The following NRXN3 variants were observed in gnomAD, a reference collection of about 807,000 sequenced individuals.
The protein encoded by NRXN3 is neurexin 3.
Under a neutral mutation model 137.6 loss-of-function variants are expected in NRXN3, and 32 were observed. The ratio of observed to expected loss-of-function variants is 0.23; its 90% CI spans 0.18 to 0.31. The LOEUF is 0.31. NRXN3 is among the 10% of genes least tolerant of loss of function. The pLI is 1.00. For synonymous variants in NRXN3, 798 were observed against 784.5 expected, an observed-to-expected ratio of 1.02 and a Z score of -0.29; for missense variants, 1,574 against 2,062.5, an observed-to-expected ratio of 0.76 and a Z score of 4.59.
At chr14:79,302,630 G>A (rs576328478) in intron 15 of NRXN3, among the ~76,000 whole-genome samples, 22 of 151,870 alleles carry the variant, frequency 1.4e-4, no homozygotes, top group Non-Finnish European at 3.1e-4. Flanking sequence ...CTAGTGGGAG[G>A]TGATTGGATC....
chr14:78,410,923 C>T (rs971188635), intron 4 of NRXN3, among the ~76,000 whole-genome samples: 1 of 152,140 alleles, frequency 6.6e-6, no homozygotes, highest in Non-Finnish European at 1.5e-5. Context: ...CTTCCCTTGG[C>T]CCTGAGATAG....
At chr14:78,482,795 G>A (rs1237245644) in intron 4 of NRXN3, among the ~76,000 whole-genome samples, 4 of 152,180 alleles carry the variant, frequency 2.6e-5, no homozygotes, top group African/African-American at 4.8e-5. Flanking sequence ...AGGCACAGGT[G>A]TCAGAAGTGA....
Position 78,504,147 on chromosome 14 carries a change from C to T in NRXN3, c.758-140973C>T, listed in dbSNP as rs149863522. Among the ~76,000 whole-genome samples, 138 of 152,188 alleles carry T rather than the reference C, an allele frequency of 9.1e-4. 1 individual carries two copies. Among genetic ancestry groups the T allele is most frequent in the African/African-American group, 3.2e-3 (131 of 41,534 alleles). The stretch of plus-strand genomic sequence containing the variant: ...TGATCTATTTGTACACTTTGGTACT[C>T]CTGAGACTACGTTATGTGGAACACA... On this transcript the variant is annotated intron_variant, in intron 4 of 20. Transcript: ENST00000335750.
chr14:78,340,260 G>A (rs2082001807), intron 4 of NRXN3, among the ~76,000 whole-genome samples: 1 of 152,178 alleles, frequency 6.6e-6, no homozygotes, highest in Non-Finnish European at 1.5e-5. Flanking sequence ...TTCCCAAGAG[G>A]ACCAGTCCAG....
chr14:78,457,432 T>C (rs947833850), intron 4 of NRXN3, among the ~76,000 whole-genome samples: 1 of 152,056 alleles, frequency 6.6e-6, no homozygotes, highest in Admixed American at 6.6e-5. Flanking sequence ...TATTAGGTGA[T>C]AGAGGAGAGG....
chr14:78,187,051 G>A (rs1196266223), intron 1 of NRXN3, among the ~76,000 whole-genome samples: 1 of 152,094 alleles, frequency 6.6e-6, no homozygotes, highest in Admixed American at 6.5e-5. Context: ...TGAGCATGAC[G>A]CTCGGAGTTA....
At chr14:78,877,443 C>G (rs745812833) in intron 10 of NRXN3, among the ~76,000 whole-genome samples, 23 of 152,142 alleles carry the variant, frequency 1.5e-4, no homozygotes, top group Non-Finnish European at 3.1e-4. Flanking sequence ...TTTTCACTCT[C>G]ACTCCATTTC....
At chr14:79,704,331 G>A (rs1413771065) in intron 19 of NRXN3, among the ~76,000 whole-genome samples, 1 of 152,098 alleles carries the variant, frequency 6.6e-6, no homozygotes, top group Non-Finnish European at 1.5e-5. Flanking sequence ...AAACTGCCTT[G>A]CACTGGGAGA....
chr14:79,645,992 T>C (rs1439832180), intron 16 of NRXN3, among the ~76,000 whole-genome samples: 1 of 136,004 alleles, frequency 7.4e-6, no homozygotes, highest in African/African-American at 2.5e-5. Context: ...TTGTGATATG[T>C]ATGACAGGCA....
intron 8 of NRXN3, among the ~76,000 whole-genome samples, chr14:78,722,409 AT>A (rs1478790226): frequency 2.0e-5 from 3 of 152,228 alleles, no homozygotes; most frequent in African/African-American, 7.2e-5. Flanking sequence ...TAATAATGCA[AT>A]AATTGAAATG....
At chr14:79,714,950 CTTTTT>C (rs1241924474) in intron 19 of NRXN3, among the ~76,000 whole-genome samples, 1 of 152,070 alleles carries the variant, frequency 6.6e-6, no homozygotes, top group East Asian at 1.9e-4. Flanking sequence ...AAATCCTTTT[CTTTTT>C]TTTCTTTTCT....
intron 15 of NRXN3, among the ~76,000 whole-genome samples, chr14:79,459,379 ATT>A (rs1296895723): frequency 1.3e-5 from 2 of 151,980 alleles, no homozygotes; most frequent in African/African-American, 4.8e-5. Context: ...TTCAGAGGTT[ATT>A]TTGGTGGGCC....
chr14:78,682,059 G>A (rs1310301150), intron 6 of NRXN3, among the ~76,000 whole-genome samples: 1 of 151,912 alleles, frequency 6.6e-6, no homozygotes, highest in African/African-American at 2.4e-5. Context: ...GTAGAGATGC[G>A]GTTTCACCAT....
intron 1 of NRXN3, among the ~76,000 whole-genome samples, chr14:78,227,125 T>G (rs1254447024): frequency 6.6e-6 from 1 of 152,232 alleles, no homozygotes; most frequent in African/African-American, 2.4e-5. Context: ...ATTAGTGAAG[T>G]GTGCTGTGAA....
chr14:78,986,940 T>C (rs938455072), intron 14 of NRXN3, among the ~76,000 whole-genome samples: 5 of 146,430 alleles, frequency 3.4e-5, no homozygotes, highest in African/African-American at 1.3e-4. Flanking sequence ...GGAGAATTGC[T>C]TGAAGCTGGG....
At chr14:78,796,540 C>A (rs2153065849) in intron 8 of NRXN3, among the ~76,000 whole-genome samples, 1 of 152,280 alleles carries the variant, frequency 6.6e-6, no homozygotes, top group East Asian at 1.9e-4. Flanking sequence ...ATGATACCAG[C>A]AGCAATGAGC....
chr14:79,362,556 G>A (rs932745680), intron 15 of NRXN3, among the ~76,000 whole-genome samples: 4 of 152,222 alleles, frequency 2.6e-5, no homozygotes, highest in Non-Finnish European at 5.9e-5. Context: ...ATCAACATGG[G>A]TTTGTTAAAT....
intron 10 of NRXN3, among the ~76,000 whole-genome samples, chr14:78,926,829 ATTTATATAAATATATAATAT>A (rs1347017822): frequency 0.014 from 348 of 24,320 alleles, 162 homozygotes; most frequent in African/African-American, 0.085. Context: ...ATTATATATA[ATTTATATAAATATATAATAT>A]ATTATATATA....
intron 15 of NRXN3, among the ~76,000 whole-genome samples, chr14:79,011,799 T>C (rs1372521210): frequency 1.3e-5 from 2 of 152,156 alleles, no homozygotes; most frequent in African/African-American, 2.4e-5. Flanking sequence ...GCCCAACATG[T>C]CATTTTCTTA....
Sources: allele counts gnomAD v4.1 joint callset (sites outside exome capture counted in the v4.1 genomes callset), GRCh38; gene constraint gnomAD v4.1.1; transcripts MANE v1.5; gene names NCBI Gene and HGNC (gene_info 2026-07-23, HGNC 2026-07-21).